Variants in SPECC1L observed in about 807,000 individuals in gnomAD.
SPECC1L encodes the protein sperm antigen with calponin homology and coiled-coil domains 1 like, also known as cytospin-A.
SPECC1L carries 40 observed loss-of-function variants against 116.8 expected under a neutral mutation model. The ratio of observed to expected loss-of-function variants is 0.34; its 90% CI spans 0.27 to 0.45. The LOEUF (loss-of-function observed/expected upper bound fraction) is 0.45, where lower values mean the gene tolerates loss of function less well. Ranked by LOEUF, SPECC1L falls within the 20% of genes least tolerant of loss-of-function variation. The pLI is 1.00. For missense variants in SPECC1L, 1,110 were observed against 1,373.6 expected, an observed-to-expected ratio of 0.81 and a Z score of 3.03; for synonymous variants, 504 against 500.6, an observed-to-expected ratio of 1.01 and a Z score of -0.09.
chr22:24,287,247 G>C (rs2049060513), intron 2 of SPECC1L, among the ~76,000 whole-genome samples: 1 of 152,122 alleles, frequency 6.6e-6, no homozygotes. Flanking sequence ...TGAGATGGAG[G>C]GATGGGTTGG....
chr22:24,297,754 G>A (rs190103776), intron 2 of SPECC1L, among the ~76,000 whole-genome samples: 1 of 152,272 alleles, frequency 6.6e-6, no homozygotes, highest in African/African-American at 2.4e-5. Context: ...GAAATCTTGT[G>A]CGGTCTCATT....
intron 14 of SPECC1L, among the ~76,000 whole-genome samples, chr22:24,410,313 C>T (rs375548077): frequency 6.6e-6 from 1 of 152,254 alleles, no homozygotes; most frequent in Non-Finnish European, 1.5e-5. Context: ...GGACCACAGG[C>T]GCATGCCTGG....
chr22:24,379,976 T>C (rs2042035399), intron 14 of SPECC1L, among the ~76,000 whole-genome samples: 1 of 152,200 alleles, frequency 6.6e-6, no homozygotes, highest in African/African-American at 2.4e-5. Flanking sequence ...CTCCATCTCC[T>C]TCTCCTGCCT....
intron 3 of SPECC1L, among the ~76,000 whole-genome samples, chr22:24,305,965 A>G (rs2049486680): frequency 6.6e-6 from 1 of 150,634 alleles, no homozygotes; most frequent in Non-Finnish European, 1.5e-5. Context: ...CTTGTTGCCC[A>G]GGCTGGAGTG....
intron 14 of SPECC1L, among the ~76,000 whole-genome samples, chr22:24,395,168 T>G (rs2042343550): frequency 1.3e-5 from 2 of 152,226 alleles, no homozygotes; most frequent in Admixed American, 6.5e-5. Flanking sequence ...TATACATTTT[T>G]TCTTTTATGA....
intron 14 of SPECC1L, among the ~76,000 whole-genome samples, chr22:24,407,044 C>T (rs1035689645): frequency 3.9e-5 from 6 of 152,288 alleles, no homozygotes; most frequent in South Asian, 2.1e-4. Flanking sequence ...AGCCAGTGGG[C>T]GCTCAAGCTT....
chr22:24,330,522 A>G, intron 8 of SPECC1L, 91 bp downstream of exon 8: 2 of 1,383,066 alleles, frequency 1.4e-6, no homozygotes, highest in Non-Finnish European at 1.0e-6. Context: ...AAAAATGTGG[A>G]GTTTGATACT....
chr22:24,367,618 C>G (rs2041796210), intron 13 of SPECC1L, among the ~76,000 whole-genome samples: 1 of 152,162 alleles, frequency 6.6e-6, no homozygotes, highest in Admixed American at 6.5e-5. Context: ...TTCAAGGAGG[C>G]AGTCTAACTG....
chr22:24,293,053 A>C (rs538985419), intron 2 of SPECC1L, among the ~76,000 whole-genome samples: 1 of 152,296 alleles, frequency 6.6e-6, no homozygotes, highest in Admixed American at 6.5e-5. Context: ...CTCAGGCTGT[A>C]GTGTGCTATG....
At chr22:24,334,762 GT>G (rs1170194719) in intron 9 of SPECC1L, among the ~76,000 whole-genome samples, 189 bp downstream of exon 9, 1 of 152,190 alleles carries the variant, frequency 6.6e-6, no homozygotes, top group African/African-American at 2.4e-5. Context: ...AGCTTCAGAG[GT>G]GTTAGTCTTA....
At chr22:24,271,611 C>T (rs898857017) in intron 1 of SPECC1L, among the ~76,000 whole-genome samples, 4 of 152,236 alleles carry the variant, frequency 2.6e-5, no homozygotes, top group African/African-American at 7.2e-5. Context: ...AATTGTATTA[C>T]CTTAAGTAGT....
rs149701047 is a variant in SPECC1L, at chr22:24,322,357, T to C, written c.1377T>C (p.Phe459=). The change falls in exon 5 of 17, where the codon TTT becomes TTC. Residue 459 remains phenylalanine, a synonymous_variant. Coordinates refer to ENST00000314328, the MANE Select transcript of SPECC1L (RefSeq NM_015330.6). ...AGCAGAGCGATAAGTTGGAACACTT[T>C]AGTCGACAGATTGAATACTTCCGCT... ...LCQQSDKLEH[F]SRQIEYFRSL... is the part of the protein sequence containing the mutation. The C allele has an allele frequency of 3.7e-6, 6 of 1,614,066 alleles. No individual in the cohort carries two copies. The highest frequency in any genetic ancestry group is 1.1e-5 in the South Asian group (1 of 91,082).
Position 24,401,401 on chromosome 22 carries a change from T to C in SPECC1L, c.3088-10187T>C, listed in dbSNP as rs982129238. On this transcript the variant is annotated intron_variant, in intron 14 of 16. Coordinates refer to ENST00000314328, the MANE Select transcript of SPECC1L (RefSeq NM_015330.6). ...ATGTTTTTGGCAGAAACATCTCAGC[T>C]GTGGAGTTCTGTCCATTCGCAGCAG... Among the ~76,000 whole-genome samples, 8 of 152,356 alleles carry C rather than the reference T, an allele frequency of 5.3e-5. No individual in the cohort carries two copies. The East Asian group carries it at 1.3e-3, about 26-fold the overall frequency.
chr22:24,358,641 TTTCTGGTATTTTCCC>T (rs1313122610), intron 11 of SPECC1L, among the ~76,000 whole-genome samples: 5 of 152,188 alleles, frequency 3.3e-5, no homozygotes, highest in African/African-American at 1.2e-4. Flanking sequence ...TGACTCTCCC[TTTCTGGTATTTTCCC>T]CACAGCCTCA....
chr22:24,365,529 G>A lies in SPECC1L; in HGVS notation c.2881G>A (p.Ala961Thr), dbSNP rs762680275. The A allele has an allele frequency of 1.9e-6, 3 of 1,614,136 alleles. No homozygotes were observed. The South Asian group carries it at 3.3e-5, about 18-fold the overall frequency. Residue 961 changes from alanine to threonine, a missense_variant, in exon 13 of 17, where the codon GCG becomes ACG. Physicochemically the swap from Ala to Thr is moderately conservative, Grantham distance 58 (BLOSUM62 0). This residue lies in a region of SPECC1L where 575 missense variants were observed against 682.4 expected (regional missense o/e 0.84). Coordinates refer to ENST00000314328, the MANE Select transcript of SPECC1L (RefSeq NM_015330.6). ...VKRDISAQEG[A>T]SPASLMAMGT... ...ACGGGACATTTCTGCACAGGAGGGA[G>A]CGTCGCCAGCCTCTCTGATGGCTAT...
At chr22:24,306,060 C>T (rs1473307497) in intron 3 of SPECC1L, among the ~76,000 whole-genome samples, 6 of 152,164 alleles carry the variant, frequency 3.9e-5, no homozygotes, top group African/African-American at 1.4e-4. Context: ...CATGTGCCAC[C>T]ACGCCTGGCT....
At chr22:24,290,075 C>T (rs893577745) in intron 2 of SPECC1L, among the ~76,000 whole-genome samples, 3 of 152,224 alleles carry the variant, frequency 2.0e-5, no homozygotes, top group African/African-American at 7.2e-5. Context: ...GATTCATTGG[C>T]CCTGCTCACC....
intron 11 of SPECC1L, among the ~76,000 whole-genome samples, chr22:24,358,119 T>G (rs1486403369): frequency 6.7e-6 from 1 of 149,892 alleles, no homozygotes; most frequent in African/African-American, 2.4e-5. Flanking sequence ...TTTTTGGTTT[T>G]TTTTTTTTTT....
rs187926847 is a variant in SPECC1L at position 24,306,429 on chromosome 22, G to A, written c.153+4045G>A. On this transcript the variant is annotated intron_variant, in intron 3 of 16. Coordinates refer to ENST00000314328, the MANE Select transcript of SPECC1L (RefSeq NM_015330.6). ...TCTTACTCTGTTGCCTGCCCAGGCTGGAGTACAATGGCGTGATCCTAGCTC... is the reference window on the plus strand; with the variant it reads ...TCTTACTCTGTTGCCTGCCCAGGCTAGAGTACAATGGCGTGATCCTAGCTC... Among the ~76,000 whole-genome samples, 8 of 151,378 alleles carry A rather than the reference G, an allele frequency of 5.3e-5. No individual in the cohort carries two copies. The South Asian group carries it at 1.5e-3, about 29-fold the overall frequency.
Sources: allele counts gnomAD v4.1 joint callset (sites outside exome capture counted in the v4.1 genomes callset), GRCh38; gene constraint gnomAD v4.1.1; regional missense constraint gnomAD v4.1.1; transcripts MANE v1.5; gene names NCBI Gene and HGNC (gene_info 2026-07-23, HGNC 2026-07-21).